Variants in GARNL3 observed in about 807,000 individuals in gnomAD.
GARNL3 encodes the protein GTPase-activating Rap/Ran-GAP domain-like protein 3.
GARNL3 carries 63 observed loss-of-function variants against 125.0 expected under a neutral mutation model. The observed-to-expected ratio is 0.50, with a 90% CI of 0.41 to 0.62. The LOEUF is 0.62. GARNL3 is among the 20% of genes least tolerant of loss of function. The pLI is 0.00. For missense variants in GARNL3, 994 were observed against 1,244.0 expected (o/e 0.80, Z 3.02); for synonymous variants, 439 against 457.5 (o/e 0.96, Z 0.52).
intron 1 of GARNL3, among the ~76,000 whole-genome samples, chr9:127,238,780 T>C (rs1398389810): frequency 6.6e-6 from 1 of 152,202 alleles, no homozygotes; most frequent in Non-Finnish European, 1.5e-5. Flanking sequence ...AAACCTGATC[T>C]GTACTCCTCA....
intron 21 of GARNL3, chr9:127,363,664 C>G (rs1831131414): frequency 6.6e-6 from 1 of 152,418 alleles, no homozygotes; most frequent in Non-Finnish European, 1.5e-5. Context: ...CCAGCAGGAG[C>G]CCACAACATG....
intron 22 of GARNL3, among the ~76,000 whole-genome samples, chr9:127,368,399 C>T (rs559140831): frequency 7.3e-5 from 11 of 150,536 alleles, no homozygotes; most frequent in East Asian, 4.0e-4. Context: ...GGCACAATCT[C>T]GGCTCACTGC....
chr9:127,230,521 C>G (rs1312063992), intron 1 of GARNL3, among the ~76,000 whole-genome samples: 10 of 152,042 alleles, frequency 6.6e-5, no homozygotes, highest in Non-Finnish European at 1.5e-4. Flanking sequence ...GACGTGGTGG[C>G]ACATGACTGT....
At chr9:127,331,185 G>A (rs1043736550) in intron 7 of GARNL3, among the ~76,000 whole-genome samples, 1 of 152,050 alleles carries the variant, frequency 6.6e-6, no homozygotes, top group Non-Finnish European at 1.5e-5. Context: ...ATAACATAAT[G>A]AAGACCTACA....
chr9:127,326,497 AC>A (rs1318126387), intron 7 of GARNL3, among the ~76,000 whole-genome samples: 1 of 152,096 alleles, frequency 6.6e-6, no homozygotes, highest in Non-Finnish European at 1.5e-5. Context: ...GAGGATGGAT[AC>A]CCCGTTCCCC....
At chr9:127,248,709 G>A (rs1032931851) in intron 2 of GARNL3, among the ~76,000 whole-genome samples, 3 of 138,078 alleles carry the variant, frequency 2.2e-5, no homozygotes, top group Non-Finnish European at 4.5e-5. Flanking sequence ...CTGGGCTCAA[G>A]TGATCCTCCC....
intron 2 of GARNL3, among the ~76,000 whole-genome samples, chr9:127,291,919 T>A (rs2064433794): frequency 6.6e-6 from 1 of 152,082 alleles, no homozygotes; most frequent in Admixed American, 6.5e-5. Flanking sequence ...GCCTCATTTT[T>A]TTTTCATCTG....
intron 22 of GARNL3, among the ~76,000 whole-genome samples, chr9:127,371,430 G>A (rs1408303173): frequency 6.6e-6 from 1 of 152,214 alleles, no homozygotes; most frequent in African/African-American, 2.4e-5. Context: ...GAGAAGGTGT[G>A]CCCTGATTCT....
rs766275593 is a variant in GARNL3 at position 127,245,047 on chromosome 9, C to T, written c.143+1798C>T. The stretch of plus-strand genomic sequence containing the variant: ...CAAAGGTGGGGCGGGTGGGTAGCCC[C>T]GTCTTCCCTCTTTATCACTAATTAG... On this transcript the variant is annotated intron_variant, in intron 2 of 10. Transcript: ENST00000439286. Among the ~76,000 whole-genome samples, 29 of 152,130 alleles carry T rather than the reference C, an allele frequency of 1.9e-4. 1 individual carries two copies. The highest frequency in any genetic ancestry group is 6.5e-5 in the Admixed American group (1 of 15,272).
At chr9:127,365,412 CT>C (rs34477788) in intron 22 of GARNL3, 46 bp downstream of exon 22, 22,865 of 1,078,342 alleles carry the variant, frequency 0.021, no homozygotes, top group Admixed American at 0.023. Flanking sequence ...AAATGGACTG[CT>C]TTTTTTTTTT....
intron 1 of GARNL3, among the ~76,000 whole-genome samples, chr9:127,265,863 A>C (rs867207197): frequency 5.9e-5 from 9 of 152,164 alleles, no homozygotes; most frequent in African/African-American, 2.2e-4. Context: ...GTAGTAGAAA[A>C]ATTTATAGCG....
chr9:127,306,404 G>A (rs971817170), intron 2 of GARNL3, among the ~76,000 whole-genome samples: 1 of 151,890 alleles, frequency 6.6e-6, no homozygotes, highest in Non-Finnish European at 1.5e-5. Context: ...CCAACGTGAC[G>A]AAACCCCGTC....
chr9:127,377,101 T>A (rs1031222499), intron 22 of GARNL3, among the ~76,000 whole-genome samples: 18 of 152,334 alleles, frequency 1.2e-4, no homozygotes, highest in African/African-American at 4.1e-4. Context: ...TTGCCAAAAA[T>A]TTTTTAAAAG....
chr9:127,306,779 C>T (rs1588816875), intron 2 of GARNL3, among the ~76,000 whole-genome samples: 1 of 151,388 alleles, frequency 6.6e-6, no homozygotes, highest in Admixed American at 6.6e-5. Flanking sequence ...CCTATCTACT[C>T]GGGAGGCTGA....
At chr9:127,273,769 G>C (rs946166379) in intron 1 of GARNL3, among the ~76,000 whole-genome samples, 4 of 152,104 alleles carry the variant, frequency 2.6e-5, no homozygotes, top group African/African-American at 9.7e-5. Context: ...TTTTTCTCAG[G>C]ACCAAAAAGT....
intron 2 of GARNL3, among the ~76,000 whole-genome samples, chr9:127,244,498 C>T (rs2063262093): frequency 6.6e-6 from 1 of 152,198 alleles, no homozygotes; most frequent in East Asian, 1.9e-4. Context: ...TGCCCTGCCC[C>T]TCCAAAATTC....
chr9:127,377,296 CAT>C (rs1483844840), intron 22 of GARNL3, among the ~76,000 whole-genome samples: 2 of 151,788 alleles, frequency 1.3e-5, no homozygotes, highest in African/African-American at 4.8e-5. Context: ...TCTGTAGAGA[CAT>C]GATGAATTTT....
Position 127,389,086 on chromosome 9 carries a change from G to T in GARNL3, c.2710G>T (p.Glu904Ter). 6.2e-7 allele frequency: 1 copy of T among 1,614,148 alleles called. No homozygotes were observed. Among genetic ancestry groups the T allele is most frequent in the Non-Finnish European group, 8.5e-7 (1 of 1,180,014 alleles). The change falls in exon 26 of 28, where the codon GAA (glutamate) becomes TAA (stop). Residue 904 changes from glutamate (E) to a stop codon, truncating the protein, a stop_gained. Transcript: ENST00000373387. LOFTEE classifies it high-confidence loss of function. The stretch of plus-strand genomic sequence containing the variant: ...GTCCCTGTCTCGCATGGAGATCAAA[G>T]AAATAGCAAGCAGGACCCGCAGGGA... ...SLSLSRMEIKEIASRTRRELL... is the reference protein window; with the variant it reads ...SLSLSRMEIK
At chr9:127,374,258 G>A (rs1445060563) in intron 22 of GARNL3, among the ~76,000 whole-genome samples, 4 of 151,812 alleles carry the variant, frequency 2.6e-5, no homozygotes, top group Admixed American at 6.6e-5. Flanking sequence ...CTGAGATTGC[G>A]CCATTGCGCT....
Sources: gnomAD v4.1 joint callset for allele counts (sites outside exome capture counted in the v4.1 genomes callset) on GRCh38, gnomAD v4.1.1 for gene constraint, MANE v1.5 for transcripts, NCBI Gene and HGNC (gene_info 2026-07-23, HGNC 2026-07-21) for gene names.